Variants in SDK1 observed in about 807,000 individuals in gnomAD.
SDK1 encodes sidekick cell adhesion molecule 1.
In SDK1, 157 loss-of-function variants were observed where a neutral mutation model predicts 245.5. That is an observed-to-expected ratio of 0.64 (90% CI 0.56 to 0.73). The LOEUF is 0.73. Ranked by LOEUF, SDK1 falls within the 30% of genes least tolerant of loss-of-function variation. The probability of loss-of-function intolerance (pLI) is 0.00; values close to 1 mark genes in which losing one functional copy is unlikely to be tolerated. For synonymous variants in SDK1, 1,647 were observed against 1,278.5 expected, an observed-to-expected ratio of 1.29 and a Z score of -6.15; for missense variants, 3,583 against 3,002.3, an observed-to-expected ratio of 1.19 and a Z score of -4.52.
intron 35 of SDK1, among the ~76,000 whole-genome samples, chr7:4,183,023 T>A (rs989714589): frequency 6.6e-6 from 1 of 152,178 alleles, no homozygotes; most frequent in African/African-American, 2.4e-5. Context: ...AGGTTAGTTT[T>A]TTCCAGGATA....
At chr7:3,543,396 G>T (rs1779111181) in intron 1 of SDK1, among the ~76,000 whole-genome samples, 1 of 152,244 alleles carries the variant, frequency 6.6e-6, no homozygotes, top group Non-Finnish European at 1.5e-5. Flanking sequence ...ACCCCATAGG[G>T]GAGCCATTCT....
At chr7:3,440,230 G>A (rs1353511300) in intron 1 of SDK1, among the ~76,000 whole-genome samples, 2 of 152,170 alleles carry the variant, frequency 1.3e-5, no homozygotes, top group Admixed American at 6.5e-5. Context: ...GAAGGATGGA[G>A]CTTTTATAGA....
Position 4,265,703 on chromosome 7 carries a change from C to T in SDK1, c.*319C>T. ...CAGACCTCCCCAGCCCTGGGTTTCT[C>T]CGTCTTCAAGACCAACTAGGAAGGG... On this transcript the variant is annotated 3_prime_UTR_variant, in exon 45 of 45. Transcript: ENST00000404826. 5.3e-6 allele frequency: 6 copies of T among 1,125,746 alleles called. No homozygotes were observed. Among genetic ancestry groups the T allele is most frequent in the Non-Finnish European group, 6.5e-6 (6 of 924,000 alleles). 69.7% of individuals were successfully genotyped at this position (1,125,746 alleles called of 1,614,324 possible).
At chr7:4,077,913 T>TAA (rs892192562) in intron 21 of SDK1, among the ~76,000 whole-genome samples, 1 of 152,038 alleles carries the variant, frequency 6.6e-6, no homozygotes, top group Non-Finnish European at 1.5e-5. Context: ...TTTAATTGGG[T>TAA]AAAAATTGGT....
At chr7:3,977,957 C>A (rs1238979176) in intron 13 of SDK1, among the ~76,000 whole-genome samples, 1 of 152,202 alleles carries the variant, frequency 6.6e-6, no homozygotes, top group East Asian at 1.9e-4. Context: ...CTCACATGCC[C>A]TGGTTTCCCC....
intron 1 of SDK1, among the ~76,000 whole-genome samples, chr7:3,307,830 A>T (rs1779456542): frequency 6.6e-6 from 1 of 151,592 alleles, no homozygotes; most frequent in Non-Finnish European, 1.5e-5. Context: ...CTATAAAAGG[A>T]GGGATTAGAC....
chr7:3,481,301 A>C (rs1781513497), intron 1 of SDK1, among the ~76,000 whole-genome samples: 1 of 152,222 alleles, frequency 6.6e-6, no homozygotes. Context: ...GTGTGGCAGA[A>C]GCTGGACTTG....
intron 1 of SDK1, among the ~76,000 whole-genome samples, chr7:3,482,878 A>G (rs918653450): frequency 6.6e-6 from 1 of 152,240 alleles, no homozygotes; most frequent in African/African-American, 2.4e-5. Flanking sequence ...TAATAAGCTT[A>G]GAAAATTGCC....
chr7:4,065,048 G>A (rs1779783172), intron 19 of SDK1, among the ~76,000 whole-genome samples: 1 of 152,050 alleles, frequency 6.6e-6, no homozygotes. Flanking sequence ...AAAATACCAA[G>A]GAAAGAGGAT....
At chr7:3,647,618 CTT>C (rs1410243215) in intron 4 of SDK1, among the ~76,000 whole-genome samples, 1 of 151,994 alleles carries the variant, frequency 6.6e-6, no homozygotes, top group Non-Finnish European at 1.5e-5. Context: ...TTATTGGAGA[CTT>C]TGTTTCACCA....
intron 1 of SDK1, among the ~76,000 whole-genome samples, chr7:3,540,814 A>G (rs186123577): frequency 1.2e-4 from 19 of 152,346 alleles, no homozygotes; most frequent in Admixed American, 8.5e-4. Context: ...TCGTATATCT[A>G]TAATAAAGGA....
At chr7:3,632,522 A>C (rs994018280) in intron 2 of SDK1, among the ~76,000 whole-genome samples, 14 of 151,900 alleles carry the variant, frequency 9.2e-5, no homozygotes, top group African/African-American at 3.4e-4. Context: ...CACCAGATTT[A>C]TATTCCCAAA....
chr7:3,633,675 C>T (rs1039286125), intron 2 of SDK1, among the ~76,000 whole-genome samples: 6 of 152,036 alleles, frequency 3.9e-5, no homozygotes, highest in African/African-American at 2.4e-5. Context: ...TGGTGAGCAC[C>T]TAGTAACTTT....
intron 1 of SDK1, among the ~76,000 whole-genome samples, chr7:3,415,751 T>C (rs1014046011): frequency 1.6e-4 from 24 of 151,188 alleles, no homozygotes; most frequent in African/African-American, 5.6e-4. Context: ...ATACAAATCA[T>C]TTCTGTTACA....
chr7:3,509,381 A>G (rs567328822), intron 1 of SDK1, among the ~76,000 whole-genome samples: 1 of 152,224 alleles, frequency 6.6e-6, no homozygotes, highest in South Asian at 2.1e-4. Context: ...TCAGGCAAAT[A>G]CCGTTACTTT....
Position 4,175,814 on chromosome 7 carries a change from C to T in SDK1, c.4976C>T (p.Ser1659Leu), listed in dbSNP as rs1562391075. The change falls in exon 34 of 45, where the codon TCG (serine) becomes TTG (leucine). Residue 1659 changes from serine (S) to leucine (L), a missense_variant. Physicochemically the swap from Ser to Leu is moderately radical, Grantham distance 145. Coordinates refer to ENST00000404826, the MANE Select transcript of SDK1 (RefSeq NM_152744.4). ...AAGACGGTGAACAGCAGCTCCACAT[C>T]GACGATGTGTGAACTAACACGTAAG... ...SFKTVNSSST[S>L]TMCELTHLKK... The T allele has an allele frequency of 6.2e-7, 1 of 1,613,762 alleles. No individual in the cohort carries two copies. The highest frequency in any genetic ancestry group is 1.1e-5 in the South Asian group (1 of 91,086).
chr7:3,437,912 C>CA, intron 1 of SDK1, among the ~76,000 whole-genome samples: 2 of 152,262 alleles, frequency 1.3e-5, no homozygotes, highest in Non-Finnish European at 2.9e-5. Flanking sequence ...AGAGAGAACG[C>CA]AGTGGTAATG....
intron 1 of SDK1, among the ~76,000 whole-genome samples, chr7:3,541,576 A>T (rs924167839): frequency 7.2e-5 from 11 of 152,216 alleles, no homozygotes; most frequent in Admixed American, 5.2e-4. Flanking sequence ...CACTGTACCC[A>T]TGAAACTTTA....
intron 4 of SDK1, among the ~76,000 whole-genome samples, chr7:3,718,594 ACACT>A (rs1181231498): frequency 4.0e-5 from 6 of 151,488 alleles, no homozygotes; most frequent in South Asian, 2.1e-4. Flanking sequence ...TAAATATCTA[ACACT>A]CATTCATGCT....
Sources: gnomAD v4.1 joint callset for allele counts (sites outside exome capture counted in the v4.1 genomes callset) on GRCh38, gnomAD v4.1.1 for gene constraint, MANE v1.5 for transcripts, NCBI Gene and HGNC (gene_info 2026-07-23, HGNC 2026-07-21) for gene names.